MECOM: variants seen among roughly 807,000 people sequenced by gnomAD.
MECOM encodes the protein histone-lysine N-methyltransferase MECOM.
Under a neutral mutation model 116.3 loss-of-function variants are expected in MECOM, and 13 were observed. That is an observed-to-expected ratio of 0.11 (90% CI 0.07 to 0.18). MECOM has a LOEUF of 0.18. Among genes scored for constraint, MECOM ranks in the 10% least tolerant of loss-of-function variants. MECOM has a pLI of 1.00. For synonymous variants in MECOM, 528 were observed against 535.2 expected (o/e 0.99, Z 0.19); for missense variants, 1,299 against 1,509.0 (o/e 0.86, Z 2.31).
chr3:169,356,659 A>G (rs532175936), intron 2 of MECOM, among the ~76,000 whole-genome samples: 1 of 151,990 alleles, frequency 6.6e-6, no homozygotes, highest in East Asian at 1.9e-4. Flanking sequence ...TAGTTTCTAT[A>G]CTCGCTCAGC....
chr3:169,660,419 A>G (rs963627309), intron 1 of MECOM, among the ~76,000 whole-genome samples: 1 of 151,812 alleles, frequency 6.6e-6, no homozygotes, highest in Non-Finnish European at 1.5e-5. Context: ...TGTGTTGTGC[A>G]TTCAATCTCG....
At chr3:169,096,718 T>C (rs147484647) in intron 12 of MECOM, among the ~76,000 whole-genome samples, 114 of 152,258 alleles carry the variant, frequency 7.5e-4, no homozygotes, top group African/African-American at 2.7e-3. Flanking sequence ...CCCATTCCAC[T>C]AGAGTTCTTG....
intron 2 of MECOM, among the ~76,000 whole-genome samples, chr3:169,191,836 A>G (rs552857074): frequency 1.2e-4 from 19 of 152,188 alleles, no homozygotes; most frequent in African/African-American, 4.3e-4. Flanking sequence ...TAAACAGAGG[A>G]GAAACATAGG....
Position 169,408,739 on chromosome 3 carries a change from G to A in MECOM, c.38-27215C>T, listed in dbSNP as rs142230938. ...TAAACAGAGCTAGCTTTTAATCCTG[G>A]TTGGCTGTATGCTAACCACTGACCT... is the stretch of plus-strand genomic sequence containing the variant. On this transcript the variant is annotated intron_variant, in intron 1 of 16. Transcript: ENST00000651503. Among the ~76,000 whole-genome samples, 945 of 152,206 alleles carry A rather than the reference G, an allele frequency of 6.2e-3. 15 individuals carry two copies. The highest frequency in any genetic ancestry group is 0.021 in the African/African-American group (890 of 41,512).
chr3:169,118,945 T>C (rs895668867), intron 7 of MECOM, among the ~76,000 whole-genome samples: 1 of 152,210 alleles, frequency 6.6e-6, no homozygotes, highest in Non-Finnish European at 1.5e-5. Context: ...GTTCAATTGA[T>C]GTTGAAGTTT....
intron 2 of MECOM, among the ~76,000 whole-genome samples, chr3:169,305,677 A>G (rs929915999): frequency 1.3e-5 from 2 of 152,224 alleles, no homozygotes; most frequent in South Asian, 2.1e-4. Context: ...GTTCTGTTTC[A>G]TGCTCACTTT....
chr3:169,566,023 A>G (rs1371930214), intron 1 of MECOM: 3 of 425,038 alleles, frequency 7.1e-6, no homozygotes, highest in South Asian at 5.3e-5. Flanking sequence ...TGGAAGGCGA[A>G]GGGGAAACAA....
At chr3:169,434,892 T>C (rs184232343) in intron 1 of MECOM, among the ~76,000 whole-genome samples, 76 of 152,300 alleles carry the variant, frequency 5.0e-4, no homozygotes, top group African/African-American at 1.8e-3. Flanking sequence ...TTAAACTTCA[T>C]TACATCATTT....
intron 2 of MECOM, among the ~76,000 whole-genome samples, chr3:169,349,984 T>C (rs960355954): frequency 6.6e-6 from 1 of 151,996 alleles, no homozygotes; most frequent in Non-Finnish European, 1.5e-5. Context: ...TATATCTACT[T>C]ATAATATCAA....
chr3:169,181,892 T>A (rs765904042), intron 2 of MECOM, among the ~76,000 whole-genome samples: 1 of 152,232 alleles, frequency 6.6e-6, no homozygotes, highest in Non-Finnish European at 1.5e-5. Flanking sequence ...AGCTTTCTCA[T>A]CTGTGCAATG....
intron 1 of MECOM, among the ~76,000 whole-genome samples, chr3:169,494,650 C>A (rs1056529564): frequency 6.6e-6 from 1 of 152,190 alleles, no homozygotes; most frequent in African/African-American, 2.4e-5. Flanking sequence ...TCTGTATTAA[C>A]TAATCGAGAG....
At chr3:169,461,218 A>T (rs1747385494) in intron 1 of MECOM, among the ~76,000 whole-genome samples, 1 of 152,136 alleles carries the variant, frequency 6.6e-6, no homozygotes, top group African/African-American at 2.4e-5. Flanking sequence ...TCTATTTTCT[A>T]AATTAGTTGA....
In MECOM at chr3:169,380,771, C is replaced by A. The variant is rs1732261554; in HGVS notation, c.375+416G>T. Among the ~76,000 whole-genome samples, 3 of 152,100 alleles carry A rather than the reference C, an allele frequency of 2.0e-5. No homozygotes were observed. In the South Asian group the frequency reaches 6.2e-4, roughly 32 times the overall value. On this transcript the variant is annotated intron_variant, in intron 2 of 16. Coordinates refer to ENST00000651503, the MANE Select transcript of MECOM (RefSeq NM_004991.4). ...ATAAAACCAAATTAACTCATAGTCA[C>A]AAAATAGAGAAAACAAATGTTTTCC...
At chr3:169,507,457 G>A (rs953142278) in intron 1 of MECOM, among the ~76,000 whole-genome samples, 1 of 152,056 alleles carries the variant, frequency 6.6e-6, no homozygotes, top group Admixed American at 6.5e-5. Flanking sequence ...GTCCCTCTTA[G>A]TAGGGAATTT....
intron 1 of MECOM, among the ~76,000 whole-genome samples, chr3:169,444,031 G>A (rs1744195321): frequency 6.6e-6 from 1 of 152,172 alleles, no homozygotes; most frequent in Non-Finnish European, 1.5e-5. Flanking sequence ...GCATCTCAGG[G>A]CTCTTTCTTC....
chr3:169,372,463 G>C (rs1044322209), intron 2 of MECOM, among the ~76,000 whole-genome samples: 3 of 152,036 alleles, frequency 2.0e-5, no homozygotes, highest in African/African-American at 7.2e-5. Flanking sequence ...CAAGAAGTTT[G>C]TGATCTCTCC....
chr3:169,528,955 T>C (rs1758269460), intron 1 of MECOM, among the ~76,000 whole-genome samples: 2 of 152,322 alleles, frequency 1.3e-5, no homozygotes, highest in African/African-American at 4.8e-5. Flanking sequence ...ATCTCTTAAA[T>C]AAACAAAAAC....
intron 1 of MECOM, among the ~76,000 whole-genome samples, chr3:169,510,636 G>A (rs187782519): frequency 3.3e-5 from 5 of 152,296 alleles, no homozygotes; most frequent in Admixed American, 6.5e-5. Context: ...ATTAACAAAG[G>A]TTGACAAAGG....
At chr3:169,375,409 T>C (rs941249427) in intron 2 of MECOM, among the ~76,000 whole-genome samples, 5 of 139,114 alleles carry the variant, frequency 3.6e-5, no homozygotes, top group Admixed American at 7.2e-5. Context: ...AAAAAAAAAA[T>C]TGACAAAATA....
Sources: allele counts gnomAD v4.1 joint callset (sites outside exome capture counted in the v4.1 genomes callset), GRCh38; gene constraint gnomAD v4.1.1; transcripts MANE v1.5; gene names NCBI Gene and HGNC (gene_info 2026-07-23, HGNC 2026-07-21).